The following BRF1 variants were observed in gnomAD, a reference collection of about 807,000 sequenced individuals.
BRF1 encodes the protein BRF1 general transcription factor IIIB subunit.
BRF1 carries 59 observed loss-of-function variants against 81.7 expected under a neutral mutation model. The ratio of observed to expected loss-of-function variants is 0.72; its 90% confidence interval spans 0.59 to 0.90. The LOEUF (loss-of-function observed/expected upper bound fraction) is 0.90. Among genes scored for constraint, BRF1 ranks in the 40% least tolerant of loss-of-function variants. BRF1 has a pLI of 0.00. For missense variants in BRF1, 1,050 were observed against 936.3 expected, an observed-to-expected ratio of 1.12 and a Z score of -1.58; for synonymous variants, 491 against 395.6, an observed-to-expected ratio of 1.24 and a Z score of -2.86.
At chr14:105,257,216 G>C (rs2055922680) in intron 3 of BRF1, among the ~76,000 whole-genome samples, 1 of 152,170 alleles carries the variant, frequency 6.6e-6, no homozygotes, top group Non-Finnish European at 1.5e-5. Flanking sequence ...CAAGTCACTG[G>C]TTAATACACT....
intron 4 of BRF1, among the ~76,000 whole-genome samples, chr14:105,253,264 C>A (rs1449602437): frequency 1.3e-5 from 2 of 152,220 alleles, no homozygotes; most frequent in African/African-American, 4.8e-5. Flanking sequence ...AGGAGCCCTG[C>A]TGGCTGGGGG....
At position 105,286,330 on chromosome 14, in the gene BRF1, C is replaced by A. The variant is rs200160465; in HGVS notation, c.231G>T (p.Leu77=). 17 of 1,613,850 alleles carry A rather than the reference C, an allele frequency of 1.1e-5. No homozygotes were observed. In the Admixed American group the frequency reaches 2.8e-4, roughly 27 times the overall value. The change falls in exon 2 of 18, where the codon CTG becomes CTT. Residue 77 remains leucine, a synonymous_variant. Transcript: ENST00000547530. ...PTLGGGFHVN[L]GKESRAQTLQ... ...GGGTCTGCGCTCTCGACTCCTTCCC[C>A]AGATTCACGTGGAAGCCGCCACCCA...
intron 3 of BRF1, among the ~76,000 whole-genome samples, chr14:105,263,933 A>G (rs1468893483): frequency 6.6e-6 from 1 of 151,962 alleles, no homozygotes; most frequent in Non-Finnish European, 1.5e-5. Context: ...TCAAAAAAAA[A>G]AAAAAAGAAA....
At chr14:105,272,924 CA>C (rs1566855921) in intron 2 of BRF1, 30 bp from the exon 3 acceptor site, 10 of 1,550,242 alleles carry the variant, frequency 6.5e-6, no homozygotes, top group Non-Finnish European at 7.9e-6. Flanking sequence ...AGCTCTTAGC[CA>C]AATGTTCCCA....
At chr14:105,280,273 A>G (rs2057014769) in intron 2 of BRF1, among the ~76,000 whole-genome samples, 1 of 152,230 alleles carries the variant, frequency 6.6e-6, no homozygotes, top group Non-Finnish European at 1.5e-5. Context: ...TGGCTGAGTG[A>G]CAGGCTGCAC....
chr14:105,274,561 T>C (rs1445169509), intron 2 of BRF1, among the ~76,000 whole-genome samples: 1 of 152,096 alleles, frequency 6.6e-6, no homozygotes, highest in African/African-American at 2.4e-5. Context: ...GACGGCAACA[T>C]CCGAGCACAC....
At chr14:105,220,012 T>C (rs2141465082) in intron 12 of BRF1, 57 bp downstream of exon 12, 1 of 1,597,776 alleles carries the variant, frequency 6.3e-7, no homozygotes, top group Middle Eastern at 1.7e-4. Context: ...CAGGGCTCCT[T>C]GGGCTGCAGC....
Position 105,315,004 on chromosome 14 carries a change from A to G in BRF1, c.-162+318T>C. ...CCCATGAACCTGTTCGCCACCTGGG[A>G]GGTGGACGGCTCCAGCCCCAGCTGC... is the stretch of plus-strand genomic sequence containing the variant. On this transcript the variant is annotated intron_variant, in intron 1 of 17. Coordinates refer to the BRF1 transcript ENST00000327359. This position sits in a 1 kb window ranked among gnomAD's most constrained non-coding sequence, Gnocchi z 4.4. 1 of 1,252,450 alleles carries G rather than the reference A, an allele frequency of 8.0e-7. No individual in the cohort carries two copies. Among genetic ancestry groups the G allele is most frequent in the Non-Finnish European group, 1.0e-6 (1 of 978,458 alleles). The allele number at this position is 1,252,450 out of a possible 1,614,324, so 77.6% of individuals were successfully genotyped here. A position where few individuals can be genotyped will look rare whatever the true frequency, so the allele number is the denominator to read the frequency against.
chr14:105,281,249 A>C (rs1174823033), intron 2 of BRF1, among the ~76,000 whole-genome samples: 2 of 129,960 alleles, frequency 1.5e-5, no homozygotes, highest in East Asian at 4.8e-4. Context: ...GGGTGTGTGG[A>C]TACAGCCTGC....
In BRF1 at chr14:105,309,682, G is replaced by A. The variant is rs998842734; in HGVS notation, c.-162+5640C>T. ...GCTGCCTGCGCCCAACCCAGGAGGG[G>A]AGCAGCGTGCAGGACACCGAGGATG... is the stretch of plus-strand genomic sequence containing the variant. On this transcript the variant is annotated intron_variant, in intron 1 of 17. Coordinates refer to the BRF1 transcript ENST00000327359. This position sits in a 1 kb window ranked among gnomAD's most constrained non-coding sequence, Gnocchi z 4.0. 6.6e-6 allele frequency among the ~76,000 whole-genome samples: 1 copy of A among 152,188 alleles called. No individual in the cohort carries two copies. Among genetic ancestry groups the A allele is most frequent in the Non-Finnish European group, 1.5e-5 (1 of 68,024 alleles).
intron 7 of BRF1, 92 bp downstream of exon 7, chr14:105,228,728 C>A (rs2054217371): frequency 7.0e-6 from 10 of 1,431,326 alleles, no homozygotes; most frequent in Non-Finnish European, 7.8e-6. Flanking sequence ...ACGGCAGGGT[C>A]CCGGGAGGTG....
upstream of BRF1, among the ~76,000 whole-genome samples, chr14:105,304,294 G>A (rs373214527): frequency 7.3e-4 from 111 of 152,192 alleles, 1 homozygote; most frequent in East Asian, 5.8e-3. Context: ...GATCAAGACC[G>A]TCCTGGCCAA....
intron 10 of BRF1, among the ~76,000 whole-genome samples, chr14:105,223,209 C>T (rs930863935): frequency 1.3e-5 from 2 of 152,152 alleles, no homozygotes; most frequent in Admixed American, 6.6e-5. Context: ...CAAAAAAAGA[C>T]ATACACACTT....
chr14:105,286,118 C>A (rs927494729), intron 2 of BRF1, among the ~76,000 whole-genome samples, 178 bp downstream of exon 2: 1 of 152,210 alleles, frequency 6.6e-6, no homozygotes, highest in African/African-American at 2.4e-5. Context: ...TGCAGGACAC[C>A]CAGGAGGGGA....
chr14:105,221,767 G>T lies in BRF1; in HGVS notation c.1196C>A (p.Pro399His). ...GGCCGGAGGTCTGCCGCCCCACTCG[G>T]GGCTTCCTGCTGCTTCCGAGCTGCC... ...APGSSEAAGS[P>H]EWGGRPPALG... Residue 399 changes from proline (P) to histidine (H), a missense_variant, in exon 11 of 18, where the codon CCC (proline) becomes CAC (histidine). Transcript: ENST00000547530. The T allele has an allele frequency of 6.2e-7, 1 of 1,611,626 alleles. No individual in the cohort carries two copies. The highest frequency in any genetic ancestry group is 8.5e-7 in the Non-Finnish European group (1 of 1,179,712).
At chr14:105,312,976 CTCTTT>C (rs2058386837) in intron 1 of BRF1, among the ~76,000 whole-genome samples, 2 of 152,178 alleles carry the variant, frequency 1.3e-5, no homozygotes, top group African/African-American at 4.8e-5. Context: ...CCGCCATCTC[CTCTTT>C]TGTCACTTGG....
intron 5 of BRF1, among the ~76,000 whole-genome samples, chr14:105,251,378 T>G (rs1455124136): frequency 6.6e-6 from 1 of 152,206 alleles, no homozygotes; most frequent in Non-Finnish European, 1.5e-5. Flanking sequence ...AGCATTCTGC[T>G]GGGCCCAGCG....
rs181671759 is a variant in BRF1, at chr14:105,224,429, A to G, written c.1048+1640T>C. The stretch of plus-strand genomic sequence containing the variant: ...CAGAGTGTATATTCAAGGCAATGGG[A>G]TATGTCCACCCTGGCTGCAATCCTC... On this transcript the variant is annotated intron_variant, in intron 10 of 17. Coordinates refer to ENST00000547530, the MANE Select transcript of BRF1 (RefSeq NM_001519.4). 2.3e-3 allele frequency among the ~76,000 whole-genome samples: 344 copies of G among 152,312 alleles called. 1 individual carries two copies. The highest frequency in any genetic ancestry group is 3.5e-3 in the Non-Finnish European group (241 of 68,032).
rs1352895224 is a variant in BRF1, at chr14:105,250,137, C to T, written c.544+2370G>A. On this transcript the variant is annotated intron_variant, in intron 5 of 17. Transcript: ENST00000547530. ...TCAGACATCCTGACTCTGGAGGAGA[C>T]CCACAGCATCTTCCTGTGGTACACG... is the stretch of plus-strand genomic sequence containing the variant. The T allele has an allele frequency of 3.7e-6, 6 of 1,612,990 alleles. No homozygotes were observed. In the Middle Eastern group the frequency reaches 5.0e-4, roughly 134 times the overall value.
Sources: allele counts gnomAD v4.1 joint callset (sites outside exome capture counted in the v4.1 genomes callset), GRCh38; gene constraint gnomAD v4.1.1; non-coding constraint Gnocchi (gnomAD v3.1); transcripts MANE v1.5; gene names NCBI Gene and HGNC (gene_info 2026-07-23, HGNC 2026-07-21).